The following RFX3 variants were observed in gnomAD, a reference collection of about 807,000 sequenced individuals.
The protein encoded by RFX3 is regulatory factor X3, also known as transcription factor RFX3.
Under a neutral mutation model 98.6 loss-of-function variants are expected in RFX3, and 14 were observed. The observed-to-expected ratio is 0.14, with a 90% CI of 0.09 to 0.22. The LOEUF (loss-of-function observed/expected upper bound fraction) is 0.22, where lower values mean the gene tolerates loss of function less well. Ranked by LOEUF, RFX3 falls within the 10% of genes least tolerant of loss-of-function variation. The probability of loss-of-function intolerance (pLI) is 1.00; values close to 1 mark genes in which losing one functional copy is unlikely to be tolerated. For missense variants in RFX3, 639 were observed against 926.9 expected (o/e 0.69, Z 4.03); for synonymous variants, 383 against 328.4 (o/e 1.17, Z -1.80).
intron 1 of RFX3, among the ~76,000 whole-genome samples, chr9:3,488,509 G>A (rs1003113917): frequency 6.6e-6 from 1 of 152,046 alleles, no homozygotes; most frequent in African/African-American, 2.4e-5. Context: ...CAACTCAAAT[G>A]GTTTGAGAAA....
At position 3,301,826 on chromosome 9, in the gene RFX3, C is replaced by A. The variant is rs371934045; in HGVS notation, c.475-206G>T. On this transcript the variant is annotated intron_variant, in intron 4 of 16. Coordinates refer to ENST00000617270, the MANE Select transcript of RFX3 (RefSeq NM_001282116.2). ...TGCACACTAATAATAAGCCCATTCA[C>A]AAAGTAAACCTTTTTTGAACATTCC... is the stretch of plus-strand genomic sequence containing the variant. 8.6e-5 allele frequency among the ~76,000 whole-genome samples: 13 copies of A among 151,932 alleles called. 1 individual carries two copies. In the East Asian group the frequency reaches 2.5e-3, roughly 29 times the overall value.
At chr9:3,421,021 A>T (rs1843395904) in intron 1 of RFX3, 2 of 355,320 alleles carry the variant, frequency 5.6e-6, no homozygotes, top group Non-Finnish European at 7.8e-6. Flanking sequence ...CTATGTGCCA[A>T]AAAAAAAAAA....
chr9:3,413,627 T>C (rs1203777868), intron 1 of RFX3, among the ~76,000 whole-genome samples: 1 of 152,138 alleles, frequency 6.6e-6, no homozygotes, highest in African/African-American at 2.4e-5. Context: ...TCCCTGTTTC[T>C]TTCTCCTTGC....
intron 2 of RFX3, among the ~76,000 whole-genome samples, chr9:3,388,338 A>T (rs1312477043): frequency 1.3e-5 from 2 of 152,144 alleles, no homozygotes; most frequent in Non-Finnish European, 2.9e-5. Context: ...TTACTTGAAG[A>T]TTGCCCTTCT....
intron 2 of RFX3, among the ~76,000 whole-genome samples, chr9:3,367,139 G>A (rs1837304163): frequency 6.6e-6 from 1 of 152,122 alleles, no homozygotes; most frequent in African/African-American, 2.4e-5. Flanking sequence ...TACGTTATAT[G>A]GTACAGCTGA....
chr9:3,447,091 C>T (rs766713179), intron 1 of RFX3, among the ~76,000 whole-genome samples: 1 of 151,912 alleles, frequency 6.6e-6, no homozygotes, highest in Non-Finnish European at 1.5e-5. Flanking sequence ...AAATTAATGC[C>T]TTATACATGT....
intron 4 of RFX3, among the ~76,000 whole-genome samples, chr9:3,312,969 A>G (rs1485734874): frequency 6.6e-6 from 1 of 152,198 alleles, no homozygotes; most frequent in African/African-American, 2.4e-5. Flanking sequence ...GGCAGCAGAA[A>G]CTTCTGCAGA....
intron 1 of RFX3, among the ~76,000 whole-genome samples, chr9:3,501,732 T>C (rs974122401): frequency 1.3e-5 from 2 of 151,600 alleles, no homozygotes; most frequent in Non-Finnish European, 2.9e-5. Context: ...TAATTTTGTA[T>C]TTTTAGTAGA....
intron 1 of RFX3, among the ~76,000 whole-genome samples, chr9:3,464,900 A>G (rs1262881530): frequency 6.6e-6 from 1 of 152,106 alleles, no homozygotes; most frequent in Non-Finnish European, 1.5e-5. Context: ...ACACATAAAC[A>G]TGTAAATACT....
chr9:3,410,468 C>T (rs1463773239), intron 1 of RFX3, among the ~76,000 whole-genome samples: 1 of 151,978 alleles, frequency 6.6e-6, no homozygotes, highest in Non-Finnish European at 1.5e-5. Context: ...AGACTAATTT[C>T]TAGTTTTCCT....
intron 1 of RFX3, among the ~76,000 whole-genome samples, chr9:3,504,297 T>G (rs1196217828): frequency 7.3e-6 from 1 of 136,740 alleles, no homozygotes; most frequent in Admixed American, 8.1e-5. Context: ...AAATATATAT[T>G]ATATACCACA....
intron 2 of RFX3, among the ~76,000 whole-genome samples, chr9:3,369,373 A>G (rs1050488033): frequency 6.6e-6 from 1 of 151,940 alleles, no homozygotes; most frequent in African/African-American, 2.4e-5. Flanking sequence ...ATTCATAAGG[A>G]CTCCATCCTC....
intron 1 of RFX3, chr9:3,489,565 G>T: frequency 4.5e-6 from 1 of 224,316 alleles, no homozygotes; most frequent in Non-Finnish European, 7.5e-6. Context: ...GCCTGCTACT[G>T]TATCATTGGC....
chr9:3,266,866 A>G (rs181655022), intron 11 of RFX3, among the ~76,000 whole-genome samples: 39 of 152,158 alleles, frequency 2.6e-4, no homozygotes, highest in Admixed American at 1.7e-3. Context: ...TTTTTGGGCA[A>G]TTATTTTCCA....
intron 1 of RFX3, among the ~76,000 whole-genome samples, chr9:3,441,221 G>C (rs1039949879): frequency 1.3e-5 from 2 of 151,966 alleles, no homozygotes; most frequent in African/African-American, 4.8e-5. Context: ...GCACTAAAAT[G>C]AATTACATGG....
At chr9:3,524,827 G>A (rs1336978837) in intron 1 of RFX3, among the ~76,000 whole-genome samples, 2 of 128,132 alleles carry the variant, frequency 1.6e-5, no homozygotes, top group Non-Finnish European at 3.3e-5. Flanking sequence ...TAAATCACAA[G>A]CACACACACA....
At chr9:3,366,711 TTTCTTTCTTTCTTTC>T (rs1554681337) in intron 2 of RFX3, among the ~76,000 whole-genome samples, 4 of 134,444 alleles carry the variant, frequency 3.0e-5, no homozygotes, top group Admixed American at 2.2e-4. Context: ...TCTTTCTTTC[TTTCTTTCTTTCTTTC>T]TTTCTTTCTT....
chr9:3,334,683 T>A (rs1184301974), intron 3 of RFX3, among the ~76,000 whole-genome samples: 1 of 152,156 alleles, frequency 6.6e-6, no homozygotes, highest in Non-Finnish European at 1.5e-5. Context: ...AGAGTAGCAA[T>A]TTTTAGGGAG....
intron 1 of RFX3, among the ~76,000 whole-genome samples, chr9:3,475,113 A>G (rs1849117682): frequency 6.6e-6 from 1 of 150,490 alleles, no homozygotes. Context: ...AAAAAAAAAA[A>G]GAAAGAAAAA....
Sources: allele counts gnomAD v4.1 joint callset (sites outside exome capture counted in the v4.1 genomes callset), GRCh38; gene constraint gnomAD v4.1.1; transcripts MANE v1.5; gene names NCBI Gene and HGNC (gene_info 2026-07-23, HGNC 2026-07-21).